FBH1: variants seen among roughly 807,000 people sequenced by gnomAD.
FBH1 encodes DNA 3'-5' helicase 1.
Under a neutral mutation model 115.5 loss-of-function variants are expected in FBH1, and 43 were observed. That is an observed-to-expected ratio of 0.37 (90% CI 0.29 to 0.48). The LOEUF (loss-of-function observed/expected upper bound fraction) is 0.48. Ranked by LOEUF, FBH1 falls within the 20% of genes least tolerant of loss-of-function variation. FBH1 has a pLI of 0.99. For missense variants in FBH1, 1,001 were observed against 1,337.3 expected (o/e 0.75, Z 3.92); for synonymous variants, 524 against 507.8 (o/e 1.03, Z -0.43).
Position 5,904,900 on chromosome 10 carries a change from G to C in FBH1, c.158-1137G>C, listed in dbSNP as rs139529724. ...TTCAGTTTCATAAATTTTGTTAAAG[G>C]CTAAACCGAGTTTCAGTCCATTCTC... On this transcript the variant is annotated intron_variant, in intron 2 of 20. Transcript: ENST00000362091. Among the ~76,000 whole-genome samples the C allele has an allele frequency of 2.6e-4, 40 of 152,024 alleles. No individual in the cohort carries two copies. The East Asian group carries it at 5.8e-3, about 22-fold the overall frequency.
At chr10:5,929,935 C>T (rs759988045) in intron 19 of FBH1, 2 of 152,096 alleles carry the variant, frequency 1.3e-5, no homozygotes, top group African/African-American at 2.4e-5. Flanking sequence ...TCATGGAAGT[C>T]GTGTTACAGA....
At position 5,897,850 on chromosome 10, in the gene FBH1, G is replaced by A. The variant is rs751347108; in HGVS notation, c.2-5170G>A. ...AGATTTCTGCAAACACTTAATCTTC[G>A]CAACAAGCATTTTGGATTCAGACGT... On this transcript the variant is annotated intron_variant, in intron 1 of 20. Coordinates refer to ENST00000362091, the MANE Select transcript of FBH1 (RefSeq NM_178150.3). This position sits in a 1 kb window ranked among gnomAD's most constrained non-coding sequence, Gnocchi z 4.7. 1.3e-5 allele frequency among the ~76,000 whole-genome samples: 2 copies of A among 152,100 alleles called. No individual in the cohort carries two copies. The highest frequency in any genetic ancestry group is 1.5e-5 in the Non-Finnish European group (1 of 68,012).
Position 5,914,286 on chromosome 10 carries a change from C to A in FBH1, c.1396+17C>A. 1 of 1,611,210 alleles carries A rather than the reference C, an allele frequency of 6.2e-7. No homozygotes were observed. ...CCTTTGCCGGTAAGGGAGCCCACAT[C>A]AGGTTCACGAGGTGGTGGTTTTCTG... On this transcript the variant is annotated intron_variant, in intron 8 of 20. Transcript: ENST00000362091. The surrounding 1 kb of genome is among the most constrained non-coding windows in gnomAD (Gnocchi z 5.2).
intron 19 of FBH1, among the ~76,000 whole-genome samples, chr10:5,930,932 G>A (rs1832936000): frequency 6.6e-6 from 1 of 151,070 alleles, no homozygotes; most frequent in South Asian, 2.1e-4. Context: ...TTTTTGTTTT[G>A]TTTTTTTGTA....
Position 5,936,821 on chromosome 10 carries a change from C to T in FBH1, c.2961+234C>T. ...AGGTCTGGGAGGCTGGGTTGTGATA[C>T]ACGCTTAGAGAGAGAGCTGTTCCCT... On this transcript the variant is annotated intron_variant, in intron 20 of 20. Coordinates refer to ENST00000362091, the MANE Select transcript of FBH1 (RefSeq NM_178150.3). The surrounding 1 kb of genome is among the most constrained non-coding windows in gnomAD (Gnocchi z 5.6). The T allele has an allele frequency of 1.6e-6, 1 of 620,960 alleles. No homozygotes were observed. Among genetic ancestry groups the T allele is most frequent in the Non-Finnish European group, 2.8e-6 (1 of 363,604 alleles). 38.5% of individuals were successfully genotyped at this position (620,960 alleles called of 1,614,324 possible).
chr10:5,890,359 G>A lies in FBH1; in HGVS notation c.1+13G>A, dbSNP rs1440634040. ...CCGGAGCGCCACAGTGCGTGAGGCC[G>A]CAGACGTGGCAGGGAGTGTGGGAGG... On this transcript the variant is annotated intron_variant, in intron 1 of 20. Transcript: ENST00000362091. 2.7e-6 allele frequency: 1 copy of A among 375,252 alleles called. No homozygotes were observed. The highest frequency in any genetic ancestry group is 5.0e-6 in the Non-Finnish European group (1 of 201,382). 23.2% of individuals were successfully genotyped at this position (375,252 alleles called of 1,614,324 possible).
At position 5,903,076 on chromosome 10, in the gene FBH1, A is replaced by G; in HGVS notation, c.58A>G (p.Ser20Gly). The change falls in exon 2 of 21, where the codon AGT becomes GGT. Residue 20 changes from serine (S) to glycine (G), a missense_variant. This residue lies in a region of FBH1 where 420 missense variants were observed against 430.4 expected (regional missense o/e 0.98). Transcript: ENST00000362091. ...TAIDCQHLARSHLAVTQPFGQ... is the reference protein window; with the variant it reads ...TAIDCQHLARGHLAVTQPFGQ... ...CATTGACTGCCAGCATTTGGCTCGG[A>G]GTCACTTGGCTGTGACCCAGCCCTT... The G allele has an allele frequency of 1.2e-6, 2 of 1,613,858 alleles. No individual in the cohort carries two copies. Among genetic ancestry groups the G allele is most frequent in the Non-Finnish European group, 1.7e-6 (2 of 1,179,898 alleles).
At position 5,933,982 on chromosome 10, in the gene FBH1, A is replaced by G. The variant is rs551078788; in HGVS notation, c.2830-2474A>G. Among the ~76,000 whole-genome samples, 13 of 152,306 alleles carry G rather than the reference A, an allele frequency of 8.5e-5. No individual in the cohort carries two copies. The highest frequency in any genetic ancestry group is 8.3e-4 in the South Asian group (4 of 4,822). ...TGTTGTTGTTGATCACAGCCTGTGA[A>G]TAAATTTGGGGATATCCTGTTTCAG... On this transcript the variant is annotated intron_variant, in intron 19 of 20. Coordinates refer to ENST00000362091, the MANE Select transcript of FBH1 (RefSeq NM_178150.3). The surrounding 1 kb of genome is among the most constrained non-coding windows in gnomAD (Gnocchi z 4.9).
rs748533038 is a variant in FBH1, at chr10:5,906,285, G to A, written c.406G>A (p.Gly136Arg). Reference protein sequence around the residue: ...SSEEESNQATGTSRWDGVSKK... With the variant: ...SSEEESNQATRTSRWDGVSKK... ...TGAGGAAGAGAGTAACCAGGCTACC[G>A]GGACCAGCCGGTGGGATGGAGTTTC... Residue 136 changes from glycine to arginine, a missense_variant, in exon 3 of 21, where the codon GGG becomes AGG. This residue lies in a region of FBH1 where 420 missense variants were observed against 430.4 expected (regional missense o/e 0.98). Transcript: ENST00000362091. This position sits in a 1 kb window ranked among gnomAD's most constrained non-coding sequence, Gnocchi z 7.3. 66 of 1,614,066 alleles carry A rather than the reference G, an allele frequency of 4.1e-5. 1 individual carries two copies. In the South Asian group the frequency reaches 5.1e-4, roughly 12 times the overall value.
intron 10 of FBH1, 135 bp downstream of exon 10, chr10:5,916,591 C>G: frequency 3.4e-6 from 2 of 595,910 alleles, no homozygotes; most frequent in Non-Finnish European, 4.9e-6. Flanking sequence ...TGTTAGGGGT[C>G]TGAGGATGGG....
upstream of FBH1, chr10:5,889,939 C>T (rs913579478): frequency 4.5e-4 from 80 of 176,184 alleles, no homozygotes; most frequent in Non-Finnish European, 8.8e-4. Context: ...CCGCCCCCGT[C>T]CCCGCCCCTC....
At position 5,909,476 on chromosome 10, in the gene FBH1, G is replaced by C; in HGVS notation, c.1020+182G>C. On this transcript the variant is annotated intron_variant, in intron 5 of 20. Coordinates refer to ENST00000362091, the MANE Select transcript of FBH1 (RefSeq NM_178150.3). The surrounding 1 kb of genome is among the most constrained non-coding windows in gnomAD (Gnocchi z 4.4). ...TGGAGAAATAAAAGGCCATATAATTGTAGAGTCTTAGATGTAGATGAAATT... is the reference window on the plus strand; with the variant it reads ...TGGAGAAATAAAAGGCCATATAATTCTAGAGTCTTAGATGTAGATGAAATT... 1.5e-6 allele frequency: 1 copy of C among 676,100 alleles called. No individual in the cohort carries two copies. Among genetic ancestry groups the C allele is most frequent in the South Asian group, 2.3e-5 (1 of 44,170 alleles). The allele number at this position is 676,100 out of a possible 1,614,324, so 41.9% of individuals were successfully genotyped here.
Position 5,915,300 on chromosome 10 carries a change from C to G in FBH1, c.1397-103C>G, listed in dbSNP as rs1274843515. ...CTGAAAAACTTGTTACTGTCCTGCT[C>G]TCAAGACAGAGGTGTGATAAGCCTG... On this transcript the variant is annotated intron_variant, in intron 8 of 20. Transcript: ENST00000362091. This position sits in a 1 kb window ranked among gnomAD's most constrained non-coding sequence, Gnocchi z 5.2. 1.6e-6 allele frequency: 2 copies of G among 1,241,356 alleles called. No homozygotes were observed. Among genetic ancestry groups the G allele is most frequent in the East Asian group, 2.5e-5 (1 of 40,304 alleles). The allele number at this position is 1,241,356 out of a possible 1,614,324, so 76.9% of individuals were successfully genotyped here.
chr10:5,899,047 C>T (rs1428387590), intron 1 of FBH1, among the ~76,000 whole-genome samples: 2 of 152,146 alleles, frequency 1.3e-5, no homozygotes, highest in Non-Finnish European at 2.9e-5. Context: ...TGTGTAGGTA[C>T]CTCTTCTATA....
In FBH1 at chr10:5,936,531, A is replaced by G; in HGVS notation, c.2905A>G (p.Asn969Asp). 6 of 1,614,218 alleles carry G rather than the reference A, an allele frequency of 3.7e-6. No individual in the cohort carries two copies. The highest frequency in any genetic ancestry group is 2.2e-5 in the East Asian group (1 of 44,878). Reference protein sequence around the residue: ...GVVRCCVGQCNNAIPVDTVLT... With the variant: ...GVVRCCVGQCDNAIPVDTVLT... ...GGTGCGCTGCTGCGTGGGACAGTGC[A>G]ACAATGCCATCCCTGTTGACACCGT... Residue 969 changes from asparagine to aspartate, a missense_variant, in exon 20 of 21, where the codon AAC becomes GAC. Transcript: ENST00000362091. This position sits in a 1 kb window ranked among gnomAD's most constrained non-coding sequence, Gnocchi z 5.6.
Position 5,921,712 on chromosome 10 carries a change from T to C in FBH1, c.2322+143T>C. Reference sequence around the variant, plus strand: ...TCTTTCCACCAGGCTGCACCATGAGTGGTCTCTATCCCAGGCCATTCTGAT... The same window carrying C: ...TCTTTCCACCAGGCTGCACCATGAGCGGTCTCTATCCCAGGCCATTCTGAT... On this transcript the variant is annotated intron_variant, in intron 15 of 20. Transcript: ENST00000362091. The surrounding 1 kb of genome is among the most constrained non-coding windows in gnomAD (Gnocchi z 6.4). 3.5e-6 allele frequency: 4 copies of C among 1,127,046 alleles called. No individual in the cohort carries two copies. The highest frequency in any genetic ancestry group is 4.9e-6 in the Non-Finnish European group (4 of 819,736). 69.8% of individuals were successfully genotyped at this position (1,127,046 alleles called of 1,614,324 possible).
At chr10:5,899,310 G>C (rs952064446) in intron 1 of FBH1, among the ~76,000 whole-genome samples, 1 of 152,000 alleles carries the variant, frequency 6.6e-6, no homozygotes, top group Admixed American at 6.5e-5. Flanking sequence ...TTTTTGTTTT[G>C]TTTGTTTTGT....
At chr10:5,896,329 C>G (rs904726609) in intron 1 of FBH1, among the ~76,000 whole-genome samples, 3 of 152,056 alleles carry the variant, frequency 2.0e-5, no homozygotes, top group African/African-American at 7.3e-5. Flanking sequence ...AACTCCAGAT[C>G]TGACCACTTC....
rs750636429 is a variant in FBH1 at position 5,917,466 on chromosome 10, T to G, written c.1835T>G (p.Leu612Arg). ...ASRLWDNMRK[L>R]GECTEEAHQM... Reference sequence around the variant, plus strand: ...CGCCTCTGGGATAACATGCGGAAGCTGGGGGAGTGCACAGAAGAGGCGCAC... The same window carrying G: ...CGCCTCTGGGATAACATGCGGAAGCGGGGGGAGTGCACAGAAGAGGCGCAC... The change falls in exon 11 of 21, where the codon CTG (leucine) becomes CGG (arginine). Residue 612 changes from leucine (L) to arginine (R), a missense_variant. Coordinates refer to ENST00000362091, the MANE Select transcript of FBH1 (RefSeq NM_178150.3). The surrounding 1 kb of genome is among the most constrained non-coding windows in gnomAD (Gnocchi z 5.6). 1 of 1,614,176 alleles carries G rather than the reference T, an allele frequency of 6.2e-7. No homozygotes were observed. Among genetic ancestry groups the G allele is most frequent in the African/African-American group, 1.3e-5 (1 of 75,046 alleles).
Sources: gnomAD v4.1 joint callset for allele counts (sites outside exome capture counted in the v4.1 genomes callset) on GRCh38, gnomAD v4.1.1 for gene constraint, gnomAD v4.1.1 regional missense constraint, Gnocchi (gnomAD v3.1) non-coding constraint, MANE v1.5 for transcripts, NCBI Gene and HGNC (gene_info 2026-07-23, HGNC 2026-07-21) for gene names.